Variants in CIITA observed in about 807,000 individuals in gnomAD.
CIITA encodes the protein class II major histocompatibility complex transactivator.
A neutral mutation model predicts 115.1 loss-of-function variants in CIITA; 72 were observed. The observed-to-expected ratio is 0.63, with a 90% CI of 0.52 to 0.76. CIITA has a LOEUF of 0.76. CIITA is among the 30% of genes least tolerant of loss of function. The pLI is 0.00. For missense variants in CIITA, 1,617 were observed against 1,463.8 expected (o/e 1.10, Z -1.71); for synonymous variants, 763 against 635.6 (o/e 1.20, Z -3.02).
downstream of CIITA, chr16:10,936,857 T>C (rs1187020179): frequency 6.6e-6 from 1 of 152,236 alleles, no homozygotes; most frequent in Non-Finnish European, 1.5e-5. Flanking sequence ...TCTGCCACTT[T>C]TATTGTGATC....
chr16:10,906,357 C>G, intron 10 of CIITA, 142 bp from the exon 11 acceptor site: 1 of 1,089,928 alleles, frequency 9.2e-7, no homozygotes, highest in South Asian at 1.4e-5. Context: ...CAGACCCTGT[C>G]TCAAAACAAA....
intron 15 of CIITA, among the ~76,000 whole-genome samples, chr16:10,918,073 C>T (rs2040055714): frequency 6.6e-6 from 1 of 152,182 alleles, no homozygotes; most frequent in African/African-American, 2.4e-5. Flanking sequence ...CAGTAATGAG[C>T]AAAACAGACA....
downstream of CIITA, chr16:10,936,622 T>A (rs2041029330): frequency 6.6e-6 from 1 of 152,230 alleles, no homozygotes; most frequent in African/African-American, 2.4e-5. Flanking sequence ...GTTTGTTTGT[T>A]TTTAATTCAG....
At position 10,903,718 on chromosome 16, in the gene CIITA, A is replaced by AC. The variant is rs751352444; in HGVS notation, c.773-8dup. On this transcript the variant is annotated splice_polypyrimidine_tract_variant and intron_variant, in intron 8 of 19. Coordinates refer to ENST00000324288, the MANE Select transcript of CIITA (RefSeq NM_000246.4). ...CCTGGTTATTCTCACACCACTCTCCACCCCCAATGTAGGTGAGGTGCCCCA... is the reference window on the plus strand; with the variant it reads ...CCTGGTTATTCTCACACCACTCTCCACCCCCCAATGTAGGTGAGGTGCCCCA... The AC allele has an allele frequency of 3.1e-6, 5 of 1,613,744 alleles. No homozygotes were observed. The South Asian group carries it at 3.3e-5, about 11-fold the overall frequency.
At position 10,902,048 on chromosome 16, in the gene CIITA, C is replaced by A. The variant is rs142478532; in HGVS notation, c.492C>A (p.Pro164=). Residue 164 remains proline, a synonymous_variant, in exon 7 of 20, where the codon CCC becomes CCA. Coordinates refer to ENST00000324288, the MANE Select transcript of CIITA (RefSeq NM_000246.4). ...DLKHWKPAEP[P]TVVTGSLLVG... ...CCCACTTCCTCACAGCTGAGCCCCC[C>A]ACTGTGGTGACTGGCAGTCTCCTAG... The A allele has an allele frequency of 1.9e-6, 3 of 1,614,138 alleles. No individual in the cohort carries two copies. Among genetic ancestry groups the A allele is most frequent in the Non-Finnish European group, 1.7e-6 (2 of 1,180,052 alleles).
At chr16:10,869,609 C>G (rs2035337920) in intron 1 of CIITA, among the ~76,000 whole-genome samples, 1 of 151,970 alleles carries the variant, frequency 6.6e-6, no homozygotes, top group Non-Finnish European at 1.5e-5. Flanking sequence ...CTTCCATCTC[C>G]CAGGTTCATG....
In CIITA at chr16:10,918,430, G is replaced by C; in HGVS notation, c.3063-10G>C. On this transcript the variant is annotated splice_polypyrimidine_tract_variant and intron_variant, in intron 15 of 19. Transcript: ENST00000324288. ...GGTCCTGAGCCCTCCCCCTCACTGT[G>C]TCCCCGCAGTCTGTCCCAGAACAAC... 6.2e-7 allele frequency: 1 copy of C among 1,613,794 alleles called. No homozygotes were observed. The highest frequency in any genetic ancestry group is 2.2e-5 in the East Asian group (1 of 44,870).
At position 10,906,692 on chromosome 16, in the gene CIITA, G is replaced by T. The variant is rs1229168889; in HGVS notation, c.1200G>T (p.Val400=). The T allele has an allele frequency of 1.8e-5, 29 of 1,612,736 alleles. No individual in the cohort carries two copies. Among genetic ancestry groups the T allele is most frequent in the Non-Finnish European group, 2.5e-5 (29 of 1,179,980 alleles). Reference sequence around the variant, plus strand: ...TGGCCCAAGGAGGCCTGGCTGAGGTGCTGTTGGCTGCCAAGGAGCACCGGC... The same window carrying T: ...TGGCCCAAGGAGGCCTGGCTGAGGTTCTGTTGGCTGCCAAGGAGCACCGGC... ...RQLAQGGLAE[V]LLAAKEHRRP... The change falls in exon 11 of 20, where the codon GTG becomes GTT. Residue 400 remains valine, a synonymous_variant. Coordinates refer to ENST00000324288, the MANE Select transcript of CIITA (RefSeq NM_000246.4).
At chr16:10,869,328 G>A (rs1193295749) in intron 1 of CIITA, among the ~76,000 whole-genome samples, 1 of 152,164 alleles carries the variant, frequency 6.6e-6, no homozygotes. Context: ...TCAGCACACT[G>A]TCTGCCTCAG....
intron 5 of CIITA, among the ~76,000 whole-genome samples, chr16:10,899,437 C>T (rs1397745900): frequency 6.6e-6 from 1 of 152,230 alleles, no homozygotes; most frequent in Non-Finnish European, 1.5e-5. Context: ...GAACCCTTCT[C>T]TGACCATCCT....
At chr16:10,902,574 C>T in intron 7 of CIITA, 84 bp from the exon 8 acceptor site, 1 of 1,565,984 alleles carries the variant, frequency 6.4e-7, no homozygotes, top group Non-Finnish European at 8.8e-7. Context: ...TTAGGGGGGT[C>T]AGACATTAAT....
intron 1 of CIITA, among the ~76,000 whole-genome samples, chr16:10,887,652 C>T (rs577729248): frequency 2.6e-4 from 40 of 152,290 alleles, no homozygotes; most frequent in Non-Finnish European, 4.4e-4. Flanking sequence ...CCCACCACCA[C>T]GCCCAGCTCA....
upstream of CIITA, among the ~76,000 whole-genome samples, chr16:10,873,403 G>T (rs1323025579): frequency 6.6e-6 from 1 of 152,216 alleles, no homozygotes; most frequent in Non-Finnish European, 1.5e-5. Flanking sequence ...GAAAGTTAAA[G>T]TTGTATTGCC....
At position 10,909,071 on chromosome 16, in the gene CIITA, G is replaced by A; in HGVS notation, c.2700G>A (p.Gln900=). Residue 900 remains glutamine (Q), a synonymous_variant, in exon 12 of 20, where the codon CAG becomes CAA. Transcript: ENST00000324288. ...CGGTGGCGCTGTGGGAGTCCCTGCA[G>A]CAGCATGGGGAGACCAAGCTACTTC... ...SDTVALWESL[Q]QHGETKLLQA... 6.2e-7 allele frequency: 1 copy of A among 1,614,122 alleles called. No homozygotes were observed.
At chr16:10,888,435 A>G (rs897210425) in intron 1 of CIITA, 2 of 152,258 alleles carry the variant, frequency 1.3e-5, no homozygotes, top group African/African-American at 4.8e-5. Context: ...TGCTGTTCCC[A>G]GAAGAGATGC....
chr16:10,927,361 G>A lies in CIITA; in HGVS notation c.*3506G>A, dbSNP rs1042274022. 4 of 152,168 alleles carry A rather than the reference G, an allele frequency of 2.6e-5. No homozygotes were observed. The highest frequency in any genetic ancestry group is 4.4e-5 in the Non-Finnish European group (3 of 68,040). The allele number at this position is 152,168 out of a possible 1,614,324, so 9.4% of individuals were successfully genotyped here. On this transcript the variant is annotated 3_prime_UTR_variant, in exon 20 of 20. Transcript: ENST00000324288. ...GCTCCAGGAGGGCGGGAAACATCTC[G>A]CTTTGTACACTGCTGTGCCCTCTGT...
chr16:10,905,878 T>C (rs1005043552), intron 10 of CIITA, among the ~76,000 whole-genome samples: 1 of 151,670 alleles, frequency 6.6e-6, no homozygotes, highest in African/African-American at 2.4e-5. Flanking sequence ...GGTGACTGAA[T>C]GAAGCAAATG....
In CIITA at chr16:10,906,935, T is replaced by C; in HGVS notation, c.1443T>C (p.Asp481=). 6.2e-7 allele frequency: 1 copy of C among 1,613,326 alleles called. No individual in the cohort carries two copies. The highest frequency in any genetic ancestry group is 2.2e-5 in the East Asian group (1 of 44,860). ...SLGPQPLVAA[D]EVFSHILKRP... ...GCCCACAGCCACTCGTGGCGGCCGA[T>C]GAGGTTTTCAGCCACATCTTGAAGA... The change falls in exon 11 of 20, where the codon GAT becomes GAC. Residue 481 remains aspartate, a synonymous_variant. Coordinates refer to ENST00000324288, the MANE Select transcript of CIITA (RefSeq NM_000246.4).
Position 10,923,326 on chromosome 16 carries a change from G to A in CIITA, c.*22+1G>A. ...TGATCCCAGCTGTGCTCTGGACAGGGTAACCAGGGTGGGCTTGGGAGGGGA... is the reference window on the plus strand; with the variant it reads ...TGATCCCAGCTGTGCTCTGGACAGGATAACCAGGGTGGGCTTGGGAGGGGA... On this transcript the variant is annotated splice_donor_variant, in intron 19 of 19. Coordinates refer to ENST00000324288, the MANE Select transcript of CIITA (RefSeq NM_000246.4). LOFTEE classifies it low-confidence loss of function (3UTR_SPLICE). This position sits in a 1 kb window ranked among gnomAD's most constrained non-coding sequence, Gnocchi z 5.2. 2.0e-6 allele frequency: 2 copies of A among 1,007,902 alleles called. No individual in the cohort carries two copies. Among genetic ancestry groups the A allele is most frequent in the Non-Finnish European group, 3.0e-6 (2 of 668,650 alleles). 62.4% of individuals were successfully genotyped at this position (1,007,902 alleles called of 1,614,324 possible).
Sources: gnomAD v4.1 joint callset for allele counts (sites outside exome capture counted in the v4.1 genomes callset) on GRCh38, gnomAD v4.1.1 for gene constraint, Gnocchi (gnomAD v3.1) non-coding constraint, MANE v1.5 for transcripts, NCBI Gene and HGNC (gene_info 2026-07-23, HGNC 2026-07-21) for gene names.